UTP25: variants seen among roughly 807,000 people sequenced by gnomAD.
UTP25 encodes UTP25 small subunit processome component.
Under a neutral mutation model 78.9 loss-of-function variants are expected in UTP25, and 50 were observed. The ratio of observed to expected loss-of-function variants is 0.63; its 90% confidence interval spans 0.50 to 0.80. UTP25 has a LOEUF of 0.80. UTP25 is among the 30% of genes least tolerant of loss of function. The pLI, the probability that UTP25 is intolerant of heterozygous loss-of-function variation, is 0.00. For synonymous variants in UTP25, 329 were observed against 336.5 expected, an observed-to-expected ratio of 0.98 and a Z score of 0.24; for missense variants, 846 against 911.3, an observed-to-expected ratio of 0.93 and a Z score of 0.92.
At chr1:209,828,560 G>T (rs1222524856) in intron 1 of UTP25, among the ~76,000 whole-genome samples, 1 of 139,412 alleles carries the variant, frequency 7.2e-6, no homozygotes, top group African/African-American at 2.7e-5. Context: ...CCGCCACCAA[G>T]CCCGGCTGAT....
At chr1:209,840,539 G>C (rs1031571689) in intron 7 of UTP25, among the ~76,000 whole-genome samples, 11 of 152,202 alleles carry the variant, frequency 7.2e-5, no homozygotes, top group African/African-American at 2.7e-4. Flanking sequence ...TTTCTCTGGA[G>C]TCCTGAGAAT....
intron 4 of UTP25, among the ~76,000 whole-genome samples, 154 bp downstream of exon 4, chr1:209,833,512 T>G (rs1222352734): frequency 6.6e-6 from 1 of 152,178 alleles, no homozygotes; most frequent in African/African-American, 2.4e-5. Flanking sequence ...AAAGGTATTT[T>G]GTGTTTCTCA....
rs2078284371 is a variant in UTP25 at position 209,857,278 on chromosome 1, T to G, written c.*5831T>G. 2.0e-5 allele frequency: 3 copies of G among 152,032 alleles called. No individual in the cohort carries two copies. The highest frequency in any genetic ancestry group is 7.2e-5 in the African/African-American group (3 of 41,394). 9.4% of individuals were successfully genotyped at this position (152,032 alleles called of 1,614,324 possible). On this transcript the variant is annotated 3_prime_UTR_variant, in exon 12 of 12. Coordinates refer to ENST00000491415, the MANE Select transcript of UTP25 (RefSeq NM_014388.7). ...CTTAAGGCTCAACTATTGGAATACA[T>G]CTACCATGTCTCCTATGAAACTTGC...
chr1:209,846,770 T>C (rs1244054492), intron 11 of UTP25, among the ~76,000 whole-genome samples: 4 of 152,230 alleles, frequency 2.6e-5, no homozygotes, highest in Admixed American at 2.0e-4. Context: ...GCCCTGGCCA[T>C]GTTCTCTGTT....
intron 8 of UTP25, among the ~76,000 whole-genome samples, 182 bp from the exon 9 acceptor site, chr1:209,842,083 T>C (rs1262786842): frequency 2.6e-5 from 4 of 152,314 alleles, no homozygotes; most frequent in African/African-American, 9.6e-5. Flanking sequence ...TTTTAGCTTA[T>C]CTCCTCATTG....
intron 3 of UTP25, among the ~76,000 whole-genome samples, chr1:209,832,557 C>A (rs894205926): frequency 5.1e-4 from 78 of 152,092 alleles, no homozygotes; most frequent in African/African-American, 1.8e-3. Context: ...TATATTAATT[C>A]GAAATCTCCA....
At chr1:209,843,786 G>A (rs1199915636) in intron 11 of UTP25, 90 bp downstream of exon 11, 11 of 1,494,806 alleles carry the variant, frequency 7.4e-6, no homozygotes, top group Non-Finnish European at 9.0e-6. Flanking sequence ...AGGCTTCGTG[G>A]TGTTGAGATC....
chr1:209,836,469 G>A (rs1478698797), intron 5 of UTP25, among the ~76,000 whole-genome samples: 1 of 152,190 alleles, frequency 6.6e-6, no homozygotes, highest in Non-Finnish European at 1.5e-5. Context: ...TTTGTTTCTA[G>A]AATGAATGTT....
intron 3 of UTP25, among the ~76,000 whole-genome samples, chr1:209,831,888 T>A (rs2078105763): frequency 6.6e-6 from 1 of 152,252 alleles, no homozygotes; most frequent in Non-Finnish European, 1.5e-5. Context: ...GTGCATGTAT[T>A]AGTCACTTAC....
In UTP25 at chr1:209,837,154, G is replaced by A; in HGVS notation, c.1005G>A (p.Gln335=). The A allele has an allele frequency of 6.2e-7, 1 of 1,614,166 alleles. No individual in the cohort carries two copies. Among genetic ancestry groups the A allele is most frequent in the Non-Finnish European group, 8.5e-7 (1 of 1,180,024 alleles). The change falls in exon 6 of 12, where the codon CAG becomes CAA. Residue 335 remains glutamine, a synonymous_variant. Coordinates refer to ENST00000491415, the MANE Select transcript of UTP25 (RefSeq NM_014388.7). ...GCAACAATAGCAGACGCCGAAGCCAGAAGTTTGGAGTGGGTGATGATGATG... is the reference window on the plus strand; with the variant it reads ...GCAACAATAGCAGACGCCGAAGCCAAAAGTTTGGAGTGGGTGATGATGATG... The part of the protein sequence containing the change: ...VLGNNSRRRS[Q]KFGVGDDDDF...
At chr1:209,828,775 A>G (rs1207057619) in intron 1 of UTP25, among the ~76,000 whole-genome samples, 10 of 120,516 alleles carry the variant, frequency 8.3e-5, no homozygotes, top group African/African-American at 2.1e-4. Context: ...ATGTATATAT[A>G]TAATTTTTTT....
intron 6 of UTP25, among the ~76,000 whole-genome samples, chr1:209,838,127 G>A (rs2078144460): frequency 6.6e-6 from 1 of 152,126 alleles, no homozygotes; most frequent in Admixed American, 6.5e-5. Context: ...TGAACATCAG[G>A]GTTATAAGGT....
In UTP25 at chr1:209,837,024, T is replaced by C. The variant is rs1367324167; in HGVS notation, c.875T>C (p.Leu292Pro). Reference sequence around the variant, plus strand: ...TTAATTATGAATTCTTACCGGGACCTGTTCTACCCGGAAAGGACTGCTCTG... The same window carrying C: ...TTAATTATGAATTCTTACCGGGACCCGTTCTACCCGGAAAGGACTGCTCTG... ...LFLIMNSYRD[L>P]FYPERTALKN... Residue 292 changes from leucine to proline, a missense_variant, in exon 6 of 12, where the codon CTG (leucine) becomes CCG (proline). Leu to Pro is a moderately conservative substitution (Grantham distance 98). Coordinates refer to ENST00000491415, the MANE Select transcript of UTP25 (RefSeq NM_014388.7). The C allele has an allele frequency of 1.9e-6, 3 of 1,614,192 alleles. No individual in the cohort carries two copies. Among genetic ancestry groups the C allele is most frequent in the African/African-American group, 1.3e-5 (1 of 75,040 alleles).
At chr1:209,843,977 T>C (rs2078181741) in intron 11 of UTP25, 2 of 385,280 alleles carry the variant, frequency 5.2e-6, no homozygotes, top group Middle Eastern at 7.1e-4. Context: ...AAGAAGGACA[T>C]TACAGGACAA....
intron 8 of UTP25, 54 bp from the exon 9 acceptor site, chr1:209,842,211 C>A (rs2078170677): frequency 6.7e-7 from 1 of 1,489,564 alleles, no homozygotes; most frequent in East Asian, 2.4e-5. Context: ...TAGCAATGTC[C>A]AACATGTAAA....
At position 209,830,885 on chromosome 1, in the gene UTP25, C is replaced by T. The variant is rs762697783; in HGVS notation, c.230C>T (p.Ala77Val). 2.5e-6 allele frequency: 4 copies of T among 1,613,848 alleles called. No individual in the cohort carries two copies. The South Asian group carries it at 3.3e-5, about 13-fold the overall frequency. The change falls in exon 3 of 12, where the codon GCT becomes GTT. Residue 77 changes from alanine (A) to valine (V), a missense_variant. Transcript: ENST00000491415. ...QQVSGYHRLLATLKNVSEEEE... is the reference protein window; with the variant it reads ...QQVSGYHRLLVTLKNVSEEEE... ...GTTTCTGGCTACCACAGACTACTTG[C>T]TACATTAAAGAATGTTTCTGAGGAA...
intron 10 of UTP25, 43 bp downstream of exon 10, chr1:209,842,738 A>G (rs116800131): frequency 2.0e-4 from 297 of 1,462,680 alleles, no homozygotes; most frequent in Non-Finnish European, 2.6e-4. Flanking sequence ...CCACATAGAG[A>G]GATTTGACTT....
intron 11 of UTP25, among the ~76,000 whole-genome samples, chr1:209,845,036 A>G (rs994695162): frequency 1.3e-5 from 2 of 152,244 alleles, no homozygotes; most frequent in Admixed American, 6.5e-5. Context: ...TAGATGATGC[A>G]CTTTGGCATT....
chr1:209,838,763 G>T, intron 6 of UTP25, 146 bp from the exon 7 acceptor site: 1 of 883,388 alleles, frequency 1.1e-6, no homozygotes, highest in Non-Finnish European at 1.8e-6. Context: ...GCCAAGCCCT[G>T]CGCAAAGCGG....
Sources: gnomAD v4.1 joint callset for allele counts (sites outside exome capture counted in the v4.1 genomes callset) on GRCh38, gnomAD v4.1.1 for gene constraint, MANE v1.5 for transcripts, NCBI Gene and HGNC (gene_info 2026-07-23, HGNC 2026-07-21) for gene names.